The following PTPRD variants were observed in gnomAD, a reference collection of about 807,000 sequenced individuals.
PTPRD encodes the protein protein tyrosine phosphatase receptor type D.
PTPRD carries 34 observed loss-of-function variants against 214.5 expected under a neutral mutation model. The ratio of observed to expected loss-of-function variants is 0.16; its 90% CI spans 0.12 to 0.21. The LOEUF (loss-of-function observed/expected upper bound fraction) is 0.21. PTPRD is among the 10% of genes least tolerant of loss of function. The probability of loss-of-function intolerance (pLI) is 1.00; values close to 1 mark genes in which losing one functional copy is unlikely to be tolerated. For missense variants in PTPRD, 2,545 were observed against 2,398.7 expected, an observed-to-expected ratio of 1.06 and a Z score of -1.27; for synonymous variants, 1,128 against 845.7, an observed-to-expected ratio of 1.33 and a Z score of -5.79.
intron 8 of PTPRD, among the ~76,000 whole-genome samples, chr9:9,478,013 T>C (rs2095189855): frequency 6.6e-6 from 1 of 152,202 alleles, no homozygotes; most frequent in Admixed American, 6.5e-5. Flanking sequence ...AATGAAAATA[T>C]TACATTTACA....
chr9:9,744,004 G>A (rs1262184452), intron 6 of PTPRD, among the ~76,000 whole-genome samples: 3 of 152,030 alleles, frequency 2.0e-5, no homozygotes, highest in Non-Finnish European at 4.4e-5. Context: ...ATCTGAGTGG[G>A]CAGCATCTTG....
intron 8 of PTPRD, among the ~76,000 whole-genome samples, chr9:9,537,417 T>G (rs2076744864): frequency 1.3e-5 from 2 of 151,972 alleles, no homozygotes; most frequent in Non-Finnish European, 2.9e-5. Context: ...ACTTTTCTTT[T>G]TAAATGTTAT....
At chr9:8,706,216 T>A (rs1306052179) in intron 12 of PTPRD, among the ~76,000 whole-genome samples, 1 of 152,186 alleles carries the variant, frequency 6.6e-6, no homozygotes, top group Non-Finnish European at 1.5e-5. Flanking sequence ...GGGATCTTGA[T>A]CAAACCAAGC....
intron 4 of PTPRD, among the ~76,000 whole-genome samples, chr9:9,968,961 TA>T (rs2094905861): frequency 1.3e-5 from 2 of 152,148 alleles, no homozygotes; most frequent in African/African-American, 4.8e-5. Context: ...GATAAGCTGG[TA>T]AATTCATGAG....
chr9:8,640,748 CTT>C (rs1425514774), intron 12 of PTPRD, among the ~76,000 whole-genome samples: 4 of 150,780 alleles, frequency 2.7e-5, no homozygotes, highest in African/African-American at 9.7e-5. Context: ...AAAATCATGA[CTT>C]TCCTATGGGA....
chr9:10,324,576 C>A (rs185877090), intron 3 of PTPRD, among the ~76,000 whole-genome samples: 2 of 151,958 alleles, frequency 1.3e-5, no homozygotes, highest in Admixed American at 6.6e-5. Flanking sequence ...TGAGCTGATC[C>A]GACTGTGAAG....
intron 11 of PTPRD, among the ~76,000 whole-genome samples, chr9:8,837,265 T>C (rs1010957257): frequency 9.2e-5 from 14 of 151,472 alleles, no homozygotes; most frequent in African/African-American, 3.4e-4. Flanking sequence ...TCTGCCCGCC[T>C]TGGCCTCCCG....
intron 9 of PTPRD, among the ~76,000 whole-genome samples, chr9:9,328,541 T>C (rs1216536759): frequency 6.6e-6 from 1 of 151,818 alleles, no homozygotes; most frequent in Non-Finnish European, 1.5e-5. Context: ...GTGTTTATAT[T>C]GAAATCTCAC....
intron 12 of PTPRD, among the ~76,000 whole-genome samples, chr9:8,720,365 G>A (rs1481956508): frequency 6.6e-6 from 1 of 152,206 alleles, no homozygotes; most frequent in Non-Finnish European, 1.5e-5. Flanking sequence ...CCCAGAGCTG[G>A]TGTACTACCA....
chr9:8,714,608 T>C (rs2098410327), intron 12 of PTPRD, among the ~76,000 whole-genome samples: 1 of 152,178 alleles, frequency 6.6e-6, no homozygotes, highest in African/African-American at 2.4e-5. Flanking sequence ...AACCTGCTAG[T>C]CAAGGTCCTG....
chr9:9,482,648 G>C (rs1178369186), intron 8 of PTPRD, among the ~76,000 whole-genome samples: 3 of 152,120 alleles, frequency 2.0e-5, no homozygotes, highest in Non-Finnish European at 4.4e-5. Flanking sequence ...GAGGACATCA[G>C]CTATTATCCG....
intron 4 of PTPRD, among the ~76,000 whole-genome samples, chr9:10,027,395 A>G (rs73390224): frequency 0.025 from 3,816 of 152,306 alleles, 169 homozygotes; most frequent in African/African-American, 0.087. Context: ...AAGATTCCCT[A>G]GTTCACAAAC....
chr9:8,376,773 T>C, intron 37 of PTPRD, 47 bp from the exon 38 acceptor site: 1 of 1,604,344 alleles, frequency 6.2e-7, no homozygotes, highest in Non-Finnish European at 8.5e-7. Context: ...CATCAATTTC[T>C]CTATTAACTT....
intron 7 of PTPRD, among the ~76,000 whole-genome samples, chr9:9,669,034 A>T (rs956100447): frequency 5.9e-5 from 9 of 151,792 alleles, no homozygotes; most frequent in Admixed American, 4.6e-4. Flanking sequence ...ACAAAGGGTA[A>T]TTTTTTTTGG....
chr9:9,811,236 T>C (rs748293890), intron 5 of PTPRD, among the ~76,000 whole-genome samples: 2 of 152,040 alleles, frequency 1.3e-5, no homozygotes, highest in Non-Finnish European at 2.9e-5. Flanking sequence ...TAGCAAGAGA[T>C]TGAGTCTAAC....
At chr9:9,260,912 C>G (rs2099979831) in intron 9 of PTPRD, among the ~76,000 whole-genome samples, 1 of 151,852 alleles carries the variant, frequency 6.6e-6, no homozygotes, top group Admixed American at 6.6e-5. Context: ...TCAACAGATA[C>G]TCAGAAACAG....
intron 12 of PTPRD, among the ~76,000 whole-genome samples, chr9:8,678,297 T>C (rs2154370258): frequency 6.6e-6 from 1 of 152,302 alleles, no homozygotes; most frequent in East Asian, 1.9e-4. Context: ...TGAGTCAAGT[T>C]AATGTCAACT....
At chr9:9,658,151 A>T (rs2096556757) in intron 7 of PTPRD, among the ~76,000 whole-genome samples, 1 of 152,084 alleles carries the variant, frequency 6.6e-6, no homozygotes, top group South Asian at 2.1e-4. Context: ...TAAATGGAGA[A>T]TTGAGTATGA....
At chr9:9,515,790 G>A (rs571952763) in intron 8 of PTPRD, among the ~76,000 whole-genome samples, 106 of 152,020 alleles carry the variant, frequency 7.0e-4, no homozygotes, top group African/African-American at 2.5e-3. Flanking sequence ...GTGAGATAAA[G>A]GTGACTTTTT....
Sources: gnomAD v4.1 joint callset for allele counts (sites outside exome capture counted in the v4.1 genomes callset) on GRCh38, gnomAD v4.1.1 for gene constraint, MANE v1.5 for transcripts, NCBI Gene and HGNC (gene_info 2026-07-23, HGNC 2026-07-21) for gene names.